Variants in ACTR3B observed in about 807,000 individuals in gnomAD.
ACTR3B encodes the protein actin related protein 3B.
ACTR3B carries 8 observed loss-of-function variants against 59.0 expected under a neutral mutation model. That is an observed-to-expected ratio of 0.14 (90% CI 0.08 to 0.24). The LOEUF (loss-of-function observed/expected upper bound fraction) is 0.24. ACTR3B is among the 10% of genes least tolerant of loss of function. ACTR3B has a pLI of 1.00. For synonymous variants in ACTR3B, 148 were observed against 197.9 expected (o/e 0.75, Z 2.12); for missense variants, 245 against 552.3 (o/e 0.44, Z 5.58).
intron 9 of ACTR3B, among the ~76,000 whole-genome samples, chr7:152,836,991 C>T (rs1232540629): frequency 6.6e-6 from 1 of 152,172 alleles, no homozygotes; most frequent in Non-Finnish European, 1.5e-5. Context: ...GTTGACATAG[C>T]AAGACCCCAT....
intron 1 of ACTR3B, among the ~76,000 whole-genome samples, chr7:152,763,874 G>A (rs2098099118): frequency 6.6e-6 from 1 of 152,206 alleles, no homozygotes; most frequent in Non-Finnish European, 1.5e-5. Context: ...GTCTGTATGA[G>A]TTGTCGTTCT....
Position 152,800,610 on chromosome 7 carries a change from T to G in ACTR3B, c.180T>G (p.Phe60Leu). The change falls in exon 3 of 12, where the codon TTT (phenylalanine) becomes TTG (leucine). Residue 60 changes from phenylalanine to leucine, a missense_variant. Transcript: ENST00000256001. ...RVLRGVDDLD[F>L]FIGDEAIDKP... ...TGAGGGGAGTTGATGACCTTGACTT[T>G]TTCATAGGAGATGAAGCCATCGATA... The G allele has an allele frequency of 6.2e-7, 1 of 1,614,176 alleles. No homozygotes were observed. The highest frequency in any genetic ancestry group is 8.5e-7 in the Non-Finnish European group (1 of 1,180,000).
intron 2 of ACTR3B, among the ~76,000 whole-genome samples, chr7:152,798,388 T>G (rs906988012): frequency 1.3e-5 from 2 of 152,182 alleles, no homozygotes; most frequent in Non-Finnish European, 2.9e-5. Flanking sequence ...GGGTTATTTG[T>G]TTTTTTATTG....
chr7:152,774,761 T>G (rs1197783439), intron 1 of ACTR3B, among the ~76,000 whole-genome samples: 2 of 152,200 alleles, frequency 1.3e-5, no homozygotes, highest in Non-Finnish European at 2.9e-5. Context: ...ACTTTATATA[T>G]TGAATTCTTC....
Position 152,819,287 on chromosome 7 carries a change from A to G in ACTR3B, c.541-1012A>G, listed in dbSNP as rs1390062221. 5.9e-5 allele frequency among the ~76,000 whole-genome samples: 9 copies of G among 152,192 alleles called. No homozygotes were observed. The South Asian group carries it at 8.3e-4, about 14-fold the overall frequency. On this transcript the variant is annotated intron_variant, in intron 6 of 11. Coordinates refer to ENST00000256001, the MANE Select transcript of ACTR3B (RefSeq NM_020445.6). ...ACTTTACTGGTGACTAGGTGCAGCT[A>G]TTAGAATGAATACATCTGTAAAATG...
chr7:152,819,174 A>G (rs998500028), intron 6 of ACTR3B, among the ~76,000 whole-genome samples: 16 of 152,182 alleles, frequency 1.1e-4, no homozygotes, highest in Non-Finnish European at 1.5e-4. Flanking sequence ...AAATACTTGG[A>G]CTCTGCAGAA....
intron 2 of ACTR3B, among the ~76,000 whole-genome samples, chr7:152,796,809 A>G (rs1201064225): frequency 2.3e-5 from 3 of 131,264 alleles, no homozygotes; most frequent in Non-Finnish European, 4.8e-5. Flanking sequence ...CAATTTCCCA[A>G]TCCCCTTGTC....
rs568866794 is a variant in ACTR3B, at chr7:152,810,273, A to G, written c.337-4277A>G. ...AGGCGTGCACCACCACGCCCAGCTA[A>G]TTTTTGTATTTTTAGCAGAGATGGG... On this transcript the variant is annotated intron_variant, in intron 4 of 11. Coordinates refer to ENST00000256001, the MANE Select transcript of ACTR3B (RefSeq NM_020445.6). Among the ~76,000 whole-genome samples, 33 of 151,910 alleles carry G rather than the reference A, an allele frequency of 2.2e-4. No homozygotes were observed. In the South Asian group the frequency reaches 6.9e-3, roughly 32 times the overall value.
rs2098209857 is a variant in ACTR3B at position 152,794,746 on chromosome 7, C to T, written c.101-5785C>T. ...TATTTCTACAGATCACCTCAGTCGT[C>T]GTGGCCCACAAGACTTTTCTAGCCC... On this transcript the variant is annotated intron_variant, in intron 2 of 11. Transcript: ENST00000256001. Among the ~76,000 whole-genome samples the T allele has an allele frequency of 3.3e-5, 5 of 152,024 alleles. 1 individual carries two copies. Among genetic ancestry groups the T allele is most frequent in the East Asian group, 3.9e-4 (2 of 5,176 alleles).
intron 9 of ACTR3B, among the ~76,000 whole-genome samples, chr7:152,830,384 A>C (rs1453198248): frequency 1.3e-5 from 2 of 152,248 alleles, no homozygotes; most frequent in African/African-American, 4.8e-5. Flanking sequence ...GAGTTGTTAA[A>C]AACTCTTCAT....
rs557537548 is a variant in ACTR3B, at chr7:152,825,816, C to T, written c.951+694C>T. On this transcript the variant is annotated intron_variant, in intron 9 of 11. Coordinates refer to ENST00000256001, the MANE Select transcript of ACTR3B (RefSeq NM_020445.6). ...TGGTGTCATCACATAGAAGTTAGAG[C>T]CCAAAATGGGACAGTCAGATAGAAT... Among the ~76,000 whole-genome samples the T allele has an allele frequency of 5.1e-4, 77 of 152,040 alleles. 1 individual carries two copies. The highest frequency in any genetic ancestry group is 1.7e-3 in the African/African-American group (70 of 41,456).
intron 6 of ACTR3B, among the ~76,000 whole-genome samples, chr7:152,817,907 A>G (rs991119109): frequency 2.0e-5 from 3 of 152,226 alleles, no homozygotes; most frequent in African/African-American, 4.8e-5. Context: ...TTAATGGTCG[A>G]TGGGCCTACA....
intron 9 of ACTR3B, among the ~76,000 whole-genome samples, chr7:152,844,601 A>T (rs1798124271): frequency 6.6e-6 from 1 of 151,846 alleles, no homozygotes; most frequent in African/African-American, 2.4e-5. Flanking sequence ...TTTTATGATG[A>T]TGTCGTCTGT....
At chr7:152,822,936 G>A (rs563465822) in intron 7 of ACTR3B, among the ~76,000 whole-genome samples, 18 of 152,362 alleles carry the variant, frequency 1.2e-4, no homozygotes, top group Non-Finnish European at 2.1e-4. Context: ...TGCCGCACTC[G>A]GTAGTTGAGC....
chr7:152,782,335 C>A, intron 1 of ACTR3B, among the ~76,000 whole-genome samples: 1 of 151,556 alleles, frequency 6.6e-6, no homozygotes, highest in Non-Finnish European at 1.5e-5. Context: ...AGAAAGGAAG[C>A]GCTGATGAGT....
Position 152,816,556 on chromosome 7 carries a change from A to C in ACTR3B, c.508A>C (p.Ser170Arg). 6.2e-7 allele frequency: 1 copy of C among 1,601,926 alleles called. No individual in the cohort carries two copies. The highest frequency in any genetic ancestry group is 8.5e-7 in the Non-Finnish European group (1 of 1,173,308). Residue 170 changes from serine to arginine, a missense_variant, in exon 6 of 12, where the codon AGC becomes CGC. Ser to Arg is a moderately radical substitution (Grantham distance 110). Around this residue, in one of 7 missense-constraint regions of ACTR3B, gnomAD observed 40 missense variants for 70.4 expected, o/e 0.57. Coordinates refer to ENST00000256001, the MANE Select transcript of ACTR3B (RefSeq NM_020445.6). ...ERTLTGIVID[S>R]GDGVTHVIPV... Reference sequence around the variant, plus strand: ...TACGTTAACGGGGATAGTCATTGACAGCGGAGATGGAGTCACCCATGTTAT... The same window carrying C: ...TACGTTAACGGGGATAGTCATTGACCGCGGAGATGGAGTCACCCATGTTAT...
chr7:152,808,894 G>A (rs1590324005), intron 4 of ACTR3B, among the ~76,000 whole-genome samples: 2 of 152,282 alleles, frequency 1.3e-5, no homozygotes, highest in South Asian at 2.1e-4. Flanking sequence ...TCTGAGATAG[G>A]TGATGTTATT....
chr7:152,831,097 A>G (rs567943462), intron 9 of ACTR3B, among the ~76,000 whole-genome samples: 1 of 152,322 alleles, frequency 6.6e-6, no homozygotes, highest in East Asian at 1.9e-4. Context: ...AATATTCCTC[A>G]TAACTTCTAT....
chr7:152,849,604 C>T (rs1257621762), intron 9 of ACTR3B, among the ~76,000 whole-genome samples: 1 of 152,218 alleles, frequency 6.6e-6, no homozygotes, highest in East Asian at 1.9e-4. Flanking sequence ...TACACTAGCA[C>T]TAATGACAGT....
Sources: gnomAD v4.1 joint callset for allele counts (sites outside exome capture counted in the v4.1 genomes callset) on GRCh38, gnomAD v4.1.1 for gene constraint, gnomAD v4.1.1 regional missense constraint, MANE v1.5 for transcripts, NCBI Gene and HGNC (gene_info 2026-07-23, HGNC 2026-07-21) for gene names.